Variants in ARSD observed in about 807,000 individuals in gnomAD.
ARSD encodes the protein testis tissue sperm-binding protein Li 39a.
ARSD carries 21 observed loss-of-function variants against 32.6 expected under a neutral mutation model. That is an observed-to-expected ratio of 0.64 (90% CI 0.46 to 0.93). The LOEUF (loss-of-function observed/expected upper bound fraction) is 0.93. ARSD is among the 40% of genes least tolerant of loss of function. The probability of loss-of-function intolerance (pLI) is 0.00; values close to 1 mark genes in which losing one functional copy is unlikely to be tolerated. For missense variants in ARSD, 454 were observed against 520.9 expected (o/e 0.87, Z 1.25); for synonymous variants, 224 against 237.4 (o/e 0.94, Z 0.52).
In ARSD at chrX:2,904,062, C is replaced by G. The variant is rs1469848354; in HGVS notation, c.*3209G>C. ...TCCCAAGAAATGCAACTGTCCTATTCGCAGAGCCGTCCACAGGTACCTACC... is the reference window on the plus strand; with the variant it reads ...TCCCAAGAAATGCAACTGTCCTATTGGCAGAGCCGTCCACAGGTACCTACC... On this transcript the variant is annotated 3_prime_UTR_variant, in exon 10 of 10. Coordinates refer to ENST00000381154, the MANE Select transcript of ARSD (RefSeq NM_001669.4). 3 of 111,599 alleles carry G rather than the reference C, an allele frequency of 2.7e-5. No individual in the cohort carries two copies. The highest frequency in any genetic ancestry group is 5.6e-5 in the Non-Finnish European group (3 of 53,160). The allele number at this position is 111,599 out of a possible 1,213,427, so 9.2% of individuals were successfully genotyped here.
chrX:2,922,470 C>A (rs757023499), intron 2 of ARSD, among the ~76,000 whole-genome samples: 1 of 109,964 alleles, frequency 9.1e-6, no homozygotes, highest in Non-Finnish European at 1.9e-5. Context: ...AGTCCCTGTG[C>A]TTTCTTATCT....
chrX:2,914,279 G>C, intron 6 of ARSD: 1 of 668,438 alleles, frequency 1.5e-6, no homozygotes, highest in Non-Finnish European at 1.8e-6. Context: ...GCCCAGGCTG[G>C]AGTTCAGTGG....
Position 2,904,798 on chromosome X carries a change from G to A in ARSD, c.*2473C>T. 1 of 175,763 alleles carries A rather than the reference G, an allele frequency of 5.7e-6. No homozygotes were observed. The highest frequency in any genetic ancestry group is 8.9e-5 in the South Asian group (1 of 11,240). 14.5% of individuals were successfully genotyped at this position (175,763 alleles called of 1,213,427 possible). ...CTGGGATTGTTGGGATTGTTTGAAT[G>A]GTTGAGCGTGAAAGACTTGTTATAA... On this transcript the variant is annotated 3_prime_UTR_variant, in exon 10 of 10. Coordinates refer to ENST00000381154, the MANE Select transcript of ARSD (RefSeq NM_001669.4).
At chrX:2,909,785 A>G (rs1603461027) in intron 8 of ARSD, 32 bp downstream of exon 8, 8 of 1,129,483 alleles carry the variant, frequency 7.1e-6, no homozygotes, top group Non-Finnish European at 8.2e-6. Context: ...ATTAAAAAAA[A>G]TCAGGGAACA....
At chrX:2,907,892 T>C (rs1399302117) in intron 9 of ARSD, 55 of 923,805 alleles carry the variant, frequency 6.0e-5, no homozygotes, top group Non-Finnish European at 7.0e-5. Context: ...GAGCGCTCAC[T>C]GTGGCTGCTT....
chrX:2,916,825 A>G (rs1166535169), intron 5 of ARSD, among the ~76,000 whole-genome samples: 1 of 111,848 alleles, frequency 8.9e-6, no homozygotes, highest in East Asian at 2.8e-4. Flanking sequence ...AGGGTGACCA[A>G]AGCTAACAAA....
intron 8 of ARSD, among the ~76,000 whole-genome samples, chrX:2,909,118 C>T (rs1290507233): frequency 9.2e-6 from 1 of 108,882 alleles, no homozygotes; most frequent in Non-Finnish European, 1.9e-5. Context: ...ACACACAGCA[C>T]TGTCACCTTG....
In ARSD at chrX:2,910,773, C is replaced by T. The variant is rs750661580; in HGVS notation, c.1021G>A (p.Glu341Lys). The T allele has an allele frequency of 3.6e-5, 43 of 1,209,255 alleles. No homozygotes were observed. The highest frequency in any genetic ancestry group is 4.6e-5 in the Non-Finnish European group (41 of 894,864). The change falls in exon 7 of 10, where the codon GAA (glutamate) becomes AAA (lysine). Residue 341 changes from glutamate (E) to lysine (K), a missense_variant. Physicochemically the swap from Glu to Lys is moderately conservative, Grantham distance 56. Transcript: ENST00000381154. ...GTTGAGTTCTTTAAACCATTGTCTT[C>T]GATGGCATTAAGAACCTTACCTTTA... is the stretch of plus-strand genomic sequence containing the variant. ...WLIGKVLNAI[E>K]DNGLKNSTFT...
chrX:2,921,577 A>G (rs146064944), intron 3 of ARSD, among the ~76,000 whole-genome samples: 1,861 of 111,699 alleles, frequency 0.017, 36 homozygotes, highest in African/African-American at 0.057. Context: ...TCTATCATCT[A>G]TCTATATCAC....
intron 2 of ARSD, 149 bp from the exon 3 acceptor site, chrX:2,922,173 A>T: frequency 1.4e-6 from 1 of 709,305 alleles, no homozygotes; most frequent in Non-Finnish European, 2.0e-6. Flanking sequence ...CGGTAGATTG[A>T]CCCCATCCTA....
intron 1 of ARSD, among the ~76,000 whole-genome samples, chrX:2,928,732 C>T (rs1274519672): frequency 1.4e-4 from 1 of 7,042 alleles, no homozygotes; most frequent in South Asian, 6.5e-3. Flanking sequence ...GGCTACGCTT[C>T]GGGGGATGGA....
At chrX:2,920,379 TTTA>T in intron 4 of ARSD, 1 of 379,678 alleles carries the variant, frequency 2.6e-6, no homozygotes, top group Non-Finnish European at 4.5e-6. Flanking sequence ...TTTTTTTTTT[TTTA>T]TTCTTTGAGA....
At position 2,909,798 on chromosome X, in the gene ARSD, C is replaced by G. The variant is rs373650325; in HGVS notation, c.1298+19G>C. On this transcript the variant is annotated intron_variant, in intron 8 of 9. Coordinates refer to ENST00000381154, the MANE Select transcript of ARSD (RefSeq NM_001669.4). ...CAATTAAAAAAAATCAGGGAACAGG[C>G]AGCCTTATCTCCACGTACCTGTCCT... The G allele has an allele frequency of 8.8e-7, 1 of 1,141,256 alleles. No individual in the cohort carries two copies. Among genetic ancestry groups the G allele is most frequent in the South Asian group, 2.2e-5 (1 of 45,780 alleles). 94.1% of individuals were successfully genotyped at this position (1,141,256 alleles called of 1,213,427 possible). A position where few individuals can be genotyped will look rare whatever the true frequency, so the allele number is the denominator to read the frequency against.
intron 6 of ARSD, chrX:2,914,153 T>C: frequency 1.3e-6 from 1 of 757,756 alleles, no homozygotes; most frequent in Non-Finnish European, 1.6e-6. Context: ...TTGTGCAAAA[T>C]TAGACTAAGT....
At chrX:2,913,531 T>C (rs1290735474) in intron 6 of ARSD, 5 of 980,019 alleles carry the variant, frequency 5.1e-6, no homozygotes, top group East Asian at 7.4e-5. Flanking sequence ...CCTATCACTA[T>C]GCTTGTCTCG....
At chrX:2,920,794 T>C (rs1569091084) in intron 3 of ARSD, 71 bp from the exon 4 acceptor site, 1 of 1,155,383 alleles carries the variant, frequency 8.7e-7, no homozygotes, top group Non-Finnish European at 1.2e-6. Context: ...CCAGAGGGAT[T>C]TGGTGTCTGA....
intron 2 of ARSD, among the ~76,000 whole-genome samples, chrX:2,923,592 C>T (rs892470942): frequency 8.9e-6 from 1 of 112,246 alleles, no homozygotes; most frequent in African/African-American, 3.2e-5. Context: ...ACCCTGGGCT[C>T]GTAGACACCA....
At chrX:2,908,256 ATCT>A (rs1434483471) in intron 9 of ARSD, among the ~76,000 whole-genome samples, 1 of 109,362 alleles carries the variant, frequency 9.1e-6, no homozygotes, top group East Asian at 2.9e-4. Flanking sequence ...TCTATCATCT[ATCT>A]TATCTATCCA....
intron 6 of ARSD, chrX:2,914,842 G>A (rs1191149775): frequency 1.0e-6 from 1 of 1,004,437 alleles, no homozygotes; most frequent in Non-Finnish European, 1.3e-6. Flanking sequence ...GCAAATAAAT[G>A]ATATGGGAGT....
Sources: allele counts gnomAD v4.1 joint callset (sites outside exome capture counted in the v4.1 genomes callset), GRCh38; gene constraint gnomAD v4.1.1; transcripts MANE v1.5; gene names NCBI Gene and HGNC (gene_info 2026-07-23, HGNC 2026-07-21).